CMIP: variants seen among roughly 807,000 people sequenced by gnomAD.
The protein encoded by CMIP is c-Maf inducing protein.
CMIP carries 13 observed loss-of-function variants against 97.3 expected under a neutral mutation model. The observed-to-expected ratio is 0.13, with a 90% CI of 0.09 to 0.21. The LOEUF (loss-of-function observed/expected upper bound fraction) is 0.21, where lower values mean the gene tolerates loss of function less well. Among genes scored for constraint, CMIP ranks in the 10% least tolerant of loss-of-function variants. The probability of loss-of-function intolerance (pLI) is 1.00; values close to 1 mark genes in which losing one functional copy is unlikely to be tolerated. For synonymous variants in CMIP, 538 were observed against 436.3 expected, an observed-to-expected ratio of 1.23 and a Z score of -2.91; for missense variants, 847 against 1,024.9, an observed-to-expected ratio of 0.83 and a Z score of 2.37.
At chr16:81,449,379 T>C (rs899307359) in intron 1 of CMIP, among the ~76,000 whole-genome samples, 9 of 152,236 alleles carry the variant, frequency 5.9e-5, no homozygotes, top group Admixed American at 4.6e-4. Flanking sequence ...CATTGGTTTC[T>C]TTAGTCTGGT....
At chr16:81,511,889 C>G (rs1265192758) in intron 1 of CMIP, among the ~76,000 whole-genome samples, 1 of 152,062 alleles carries the variant, frequency 6.6e-6, no homozygotes, top group Non-Finnish European at 1.5e-5. Context: ...CTGTGCTGTC[C>G]AATACCACGG....
chr16:81,445,159 C>T lies in CMIP; in HGVS notation c.-83C>T. The T allele has an allele frequency of 1.2e-6, 1 of 827,644 alleles. No individual in the cohort carries two copies. The highest frequency in any genetic ancestry group is 1.7e-6 in the Non-Finnish European group (1 of 594,558). The allele number at this position is 827,644 out of a possible 1,614,324, so 51.3% of individuals were successfully genotyped here. On this transcript the variant is annotated 5_prime_UTR_variant, in exon 1 of 21. Transcript: ENST00000537098. Reference sequence around the variant, plus strand: ...TTCCCGGGGGGTGGGGGGGTGCGGGCCGCCGGATCCGGGGGCCCCGCCGCC... The same window carrying T: ...TTCCCGGGGGGTGGGGGGGTGCGGGTCGCCGGATCCGGGGGCCCCGCCGCC...
intron 19 of CMIP, among the ~76,000 whole-genome samples, chr16:81,706,050 G>A (rs558771555): frequency 2.6e-5 from 4 of 152,310 alleles, no homozygotes; most frequent in South Asian, 2.1e-4. Context: ...GGAGGCTCCC[G>A]TGCCCGTTGA....
At chr16:81,586,709 C>G (rs1290745422) in intron 1 of CMIP, among the ~76,000 whole-genome samples, 1 of 152,216 alleles carries the variant, frequency 6.6e-6, no homozygotes, top group Non-Finnish European at 1.5e-5. Flanking sequence ...ATTCGTCCCA[C>G]TTTCCCTCGG....
chr16:81,529,719 A>G (rs1417863723), intron 1 of CMIP, among the ~76,000 whole-genome samples: 7 of 152,312 alleles, frequency 4.6e-5, no homozygotes, highest in Middle Eastern at 3.4e-3. Flanking sequence ...GTGCGGAGGC[A>G]GAGAGCAGCC....
intron 1 of CMIP, among the ~76,000 whole-genome samples, chr16:81,473,710 G>A (rs1907701205): frequency 6.6e-6 from 1 of 152,026 alleles, no homozygotes; most frequent in Non-Finnish European, 1.5e-5. Context: ...CCTGCCTTTG[G>A]GGGACGCGGG....
chr16:81,465,144 C>T (rs1469221008), intron 1 of CMIP, among the ~76,000 whole-genome samples: 1 of 152,176 alleles, frequency 6.6e-6, no homozygotes, highest in Non-Finnish European at 1.5e-5. Context: ...TTTGTTGTAG[C>T]ACAGTTAGAT....
chr16:81,579,627 C>T (rs12923364), intron 1 of CMIP, among the ~76,000 whole-genome samples: 46 of 151,020 alleles, frequency 3.0e-4, no homozygotes, highest in African/African-American at 9.9e-4. Flanking sequence ...CCTGCTCCCC[C>T]CTGAAGGCAA....
At chr16:81,537,160 T>A (rs963555142) in intron 1 of CMIP, among the ~76,000 whole-genome samples, 7 of 152,124 alleles carry the variant, frequency 4.6e-5, no homozygotes, top group Non-Finnish European at 1.0e-4. Context: ...CTGCTCACCG[T>A]CCTGGCCGTC....
intron 1 of CMIP, among the ~76,000 whole-genome samples, chr16:81,578,380 A>T (rs568459270): frequency 6.6e-6 from 1 of 152,330 alleles, no homozygotes; most frequent in South Asian, 2.1e-4. Context: ...AGAGTCCCTT[A>T]ATCTCTCCCT....
chr16:81,479,605 C>T (rs1242312716), intron 1 of CMIP, among the ~76,000 whole-genome samples: 1 of 152,004 alleles, frequency 6.6e-6, no homozygotes, highest in Non-Finnish European at 1.5e-5. Context: ...TAGGATTTGT[C>T]TTTTTCGTGT....
chr16:81,563,194 A>T (rs543472018), intron 1 of CMIP, among the ~76,000 whole-genome samples: 1 of 152,352 alleles, frequency 6.6e-6, no homozygotes, highest in Admixed American at 6.5e-5. Flanking sequence ...GCGAGCCACA[A>T]CCTGGCTGGC....
Position 81,709,922 on chromosome 16 carries a change from TC to T in CMIP, c.*124del. 1 of 490,036 alleles carries T rather than the reference TC, an allele frequency of 2.0e-6. No individual in the cohort carries two copies. The allele number at this position is 490,036 out of a possible 1,614,324, so 30.4% of individuals were successfully genotyped here. Reference sequence around the variant, plus strand: ...CCCTGGCTGTGAGATAGATGGGGAGTCTTTCTGGGGGCGGAGGGGGGAGGGG... The same window carrying T: ...CCCTGGCTGTGAGATAGATGGGGAGTTTTCTGGGGGCGGAGGGGGGAGGGG... On this transcript the variant is annotated 3_prime_UTR_variant, in exon 21 of 21. Transcript: ENST00000537098.
chr16:81,564,910 G>A (rs942454883), intron 1 of CMIP, among the ~76,000 whole-genome samples: 2 of 152,130 alleles, frequency 1.3e-5, no homozygotes, highest in African/African-American at 2.4e-5. Flanking sequence ...CTTGGAATGA[G>A]TGCATGTGTG....
At chr16:81,537,546 CAAAAAAAAAA>C (rs397695977) in intron 1 of CMIP, among the ~76,000 whole-genome samples, 17 of 82,072 alleles carry the variant, frequency 2.1e-4, no homozygotes, top group South Asian at 5.6e-4. Flanking sequence ...AAAAAAAAGA[CAAAAAAAAAA>C]AAAAAAAAAA....
intron 1 of CMIP, among the ~76,000 whole-genome samples, chr16:81,552,906 C>A (rs1172541147): frequency 2.6e-5 from 4 of 152,194 alleles, no homozygotes; most frequent in African/African-American, 9.7e-5. Context: ...CCTCATGGAG[C>A]TGCCAGTCCT....
chr16:81,615,722 CTGGTGTGTGTGTGTATGGTGTGTGTG>C (rs1342394700), intron 2 of CMIP, among the ~76,000 whole-genome samples: 2 of 133,500 alleles, frequency 1.5e-5, no homozygotes, highest in Non-Finnish European at 3.2e-5. Flanking sequence ...GCATGTGTAA[CTGGTGTGTGTGTGTATGGTGTGTGTG>C]TGGTGTATGT....
chr16:81,641,294 A>G (rs1002314893), intron 3 of CMIP, among the ~76,000 whole-genome samples: 6 of 152,164 alleles, frequency 3.9e-5, no homozygotes, highest in Non-Finnish European at 7.3e-5. Context: ...TCTACCTGCA[A>G]CAAACACCGA....
chr16:81,452,337 A>G (rs992780771), intron 1 of CMIP, among the ~76,000 whole-genome samples: 1 of 152,166 alleles, frequency 6.6e-6, no homozygotes, highest in African/African-American at 2.4e-5. Flanking sequence ...ACTTCCTCTT[A>G]GCATTGATGT....
Sources: allele counts gnomAD v4.1 joint callset (sites outside exome capture counted in the v4.1 genomes callset), GRCh38; gene constraint gnomAD v4.1.1; transcripts MANE v1.5; gene names NCBI Gene and HGNC (gene_info 2026-07-23, HGNC 2026-07-21).